TENM4: variants seen among roughly 807,000 people sequenced by gnomAD.
TENM4 encodes the protein teneurin transmembrane protein 4, also known as teneurin-4.
A neutral mutation model predicts 243.3 loss-of-function variants in TENM4; 82 were observed. The ratio of observed to expected loss-of-function variants is 0.34; its 90% CI spans 0.28 to 0.40. The LOEUF (loss-of-function observed/expected upper bound fraction) is 0.40, where lower values mean the gene tolerates loss of function less well. Ranked by LOEUF, TENM4 falls within the 10% of genes least tolerant of loss-of-function variation. The probability of loss-of-function intolerance (pLI) is 1.00; values close to 1 mark genes in which losing one functional copy is unlikely to be tolerated. For synonymous variants in TENM4, 1,412 were observed against 1,456.3 expected (o/e 0.97, Z 0.69); for missense variants, 3,138 against 3,673.3 (o/e 0.85, Z 3.77).
rs148558165 is a variant in TENM4, at chr11:78,660,998, G to A, written c.7551+451C>T. On this transcript the variant is annotated intron_variant, in intron 33 of 33. Transcript: ENST00000278550. ...ATCCCAGCTCTACCCCTTCCTTGCC[G>A]TGTGGCACTGGGAAAGCCTCAGGCA... Among the ~76,000 whole-genome samples the A allele has an allele frequency of 1.4e-3, 212 of 152,292 alleles. 1 individual carries two copies. Among genetic ancestry groups the A allele is most frequent in the African/African-American group, 4.8e-3 (201 of 41,546 alleles).
intron 2 of TENM4, among the ~76,000 whole-genome samples, chr11:79,233,364 A>G (rs1864404801): frequency 6.6e-6 from 1 of 152,220 alleles, no homozygotes; most frequent in African/African-American, 2.4e-5. Flanking sequence ...CTCATCTATA[A>G]TTATACAGAA....
At chr11:79,253,467 C>T (rs1488749196) in intron 2 of TENM4, among the ~76,000 whole-genome samples, 2 of 152,204 alleles carry the variant, frequency 1.3e-5, no homozygotes, top group Non-Finnish European at 2.9e-5. Context: ...CATGGTCCAG[C>T]AGATGATGTC....
chr11:78,727,262 C>CA (rs1397878302), intron 22 of TENM4, among the ~76,000 whole-genome samples: 2 of 152,256 alleles, frequency 1.3e-5, no homozygotes, highest in East Asian at 3.9e-4. Flanking sequence ...TCCTGGCTAA[C>CA]ATGGTGAAAC....
At chr11:78,747,704 G>C (rs1856083541) in intron 19 of TENM4, among the ~76,000 whole-genome samples, 1 of 152,142 alleles carries the variant, frequency 6.6e-6, no homozygotes, top group African/African-American at 2.4e-5. Flanking sequence ...TAATTGGAGG[G>C]CCAGTTAGAC....
At chr11:78,743,106 G>A (rs1359801133) in intron 19 of TENM4, among the ~76,000 whole-genome samples, 2 of 152,162 alleles carry the variant, frequency 1.3e-5, no homozygotes, top group Non-Finnish European at 1.5e-5. Flanking sequence ...CCTACTGCAC[G>A]TGGCTTCAGA....
intron 6 of TENM4, among the ~76,000 whole-genome samples, chr11:79,025,895 G>A (rs955324561): frequency 1.3e-5 from 2 of 152,260 alleles, no homozygotes; most frequent in Admixed American, 6.5e-5. Flanking sequence ...GGCTGGCTCC[G>A]GGACACATGC....
chr11:78,862,615 C>A (rs1175566209), intron 10 of TENM4, among the ~76,000 whole-genome samples: 1 of 152,130 alleles, frequency 6.6e-6, no homozygotes, highest in Non-Finnish European at 1.5e-5. Context: ...CCCACAGATG[C>A]CCAACTGTCC....
At chr11:78,996,270 C>G (rs1858169919) in intron 6 of TENM4, among the ~76,000 whole-genome samples, 1 of 152,174 alleles carries the variant, frequency 6.6e-6, no homozygotes, top group Non-Finnish European at 1.5e-5. Flanking sequence ...TGCTTCCTCC[C>G]TATTGGAACA....
chr11:78,736,485 C>T (rs879372031), intron 20 of TENM4, among the ~76,000 whole-genome samples: 5 of 142,278 alleles, frequency 3.5e-5, no homozygotes, highest in East Asian at 2.0e-4. Flanking sequence ...TGTGTGCGCG[C>T]GCGTGCATGT....
intron 1 of TENM4, among the ~76,000 whole-genome samples, chr11:79,330,990 G>A (rs1192217133): frequency 3.3e-5 from 5 of 152,206 alleles, no homozygotes; most frequent in Admixed American, 3.3e-4. Flanking sequence ...GTGAAACTCA[G>A]GCAAGAGTTG....
chr11:78,823,624 T>C (rs1857786550), intron 12 of TENM4, among the ~76,000 whole-genome samples: 1 of 151,658 alleles, frequency 6.6e-6, no homozygotes, highest in Non-Finnish European at 1.5e-5. Flanking sequence ...GCGGGAACAC[T>C]GCAGCAAGAC....
Position 78,735,323 on chromosome 11 carries a change from T to C in TENM4, c.2877-2746A>G, listed in dbSNP as rs555155384. Among the ~76,000 whole-genome samples, 10 of 152,306 alleles carry C rather than the reference T, an allele frequency of 6.6e-5. No individual in the cohort carries two copies. The East Asian group carries it at 1.7e-3, about 26-fold the overall frequency. On this transcript the variant is annotated intron_variant, in intron 20 of 33. Coordinates refer to ENST00000278550, the MANE Select transcript of TENM4 (RefSeq NM_001098816.3). ...TTTTGGCTCTCCAGGAGAATACCCA[T>C]GGTTTTGGGGAAATACTCAAAGAAC...
intron 4 of TENM4, among the ~76,000 whole-genome samples, chr11:79,123,053 A>G (rs1861775697): frequency 6.6e-6 from 1 of 152,166 alleles, no homozygotes; most frequent in African/African-American, 2.4e-5. Context: ...GGGGCAGAAA[A>G]CAAATTTGCA....
intron 3 of TENM4, among the ~76,000 whole-genome samples, chr11:79,151,094 C>T (rs1338090853): frequency 6.6e-6 from 1 of 152,168 alleles, no homozygotes; most frequent in African/African-American, 2.4e-5. Flanking sequence ...CCTTCCTATA[C>T]CATGGCTTCT....
At chr11:78,834,284 T>C (rs1336841117) in intron 12 of TENM4, among the ~76,000 whole-genome samples, 1 of 152,230 alleles carries the variant, frequency 6.6e-6, no homozygotes, top group East Asian at 1.9e-4. Flanking sequence ...ATATTTTCTT[T>C]CATATCTTGA....
At chr11:79,181,965 C>A (rs972739780) in intron 3 of TENM4, among the ~76,000 whole-genome samples, 1 of 115,672 alleles carries the variant, frequency 8.6e-6, no homozygotes, top group Non-Finnish European at 1.8e-5. Context: ...AAAAAAAAAA[C>A]TGTTCCACGT....
chr11:78,786,946 C>G lies in TENM4; in HGVS notation c.2317G>C (p.Gly773Arg), dbSNP rs373463824. The G allele has an allele frequency of 6.2e-7, 1 of 1,605,774 alleles. No homozygotes were observed. The highest frequency in any genetic ancestry group is 8.5e-7 in the Non-Finnish European group (1 of 1,176,548). The change falls in exon 16 of 34, where the codon GGC becomes CGC. Residue 773 changes from glycine (G) to arginine (R), a missense_variant. Physicochemically the swap from Gly to Arg is moderately radical, Grantham distance 125 (BLOSUM62 -2). This residue lies in a region of TENM4 where 2,467 missense variants were observed against 3,059.1 expected (regional missense o/e 0.81). Coordinates refer to ENST00000278550, the MANE Select transcript of TENM4 (RefSeq NM_001098816.3). ...RCAEHGTCRD[G>R]KCECSPGWNG... Reference sequence around the variant, plus strand: ...CAGCCAGGGCTGCACTCGCACTTGCCGTCGCGGCAGGTCCCATGCTCGGCA... The same window carrying G: ...CAGCCAGGGCTGCACTCGCACTTGCGGTCGCGGCAGGTCCCATGCTCGGCA...
intron 2 of TENM4, among the ~76,000 whole-genome samples, chr11:79,229,032 A>T (rs1490168366): frequency 6.6e-6 from 1 of 152,144 alleles, no homozygotes; most frequent in Non-Finnish European, 1.5e-5. Context: ...TTTGTTTTTG[A>T]TGGCCTTGAC....
At chr11:78,987,101 C>T (rs79431782) in intron 6 of TENM4, among the ~76,000 whole-genome samples, 2,431 of 152,212 alleles carry the variant, frequency 0.016, 39 homozygotes, top group Non-Finnish European at 0.024. Context: ...TTGCTTCCTC[C>T]CCATCATATT....
Sources: gnomAD v4.1 joint callset for allele counts (sites outside exome capture counted in the v4.1 genomes callset) on GRCh38, gnomAD v4.1.1 for gene constraint, gnomAD v4.1.1 regional missense constraint, MANE v1.5 for transcripts, NCBI Gene and HGNC (gene_info 2026-07-23, HGNC 2026-07-21) for gene names.